The following NLRP2 variants were observed in gnomAD, a reference collection of about 807,000 sequenced individuals.
NLRP2 encodes NLR family pyrin domain containing 2.
Under a neutral mutation model 97.2 loss-of-function variants are expected in NLRP2, and 107 were observed. The observed-to-expected ratio is 1.10, with a 90% CI of 0.94 to 1.29. The LOEUF (loss-of-function observed/expected upper bound fraction) is 1.29. NLRP2 is among the 50% of genes most tolerant of loss of function. The probability of loss-of-function intolerance (pLI) is 0.00; values close to 1 mark genes in which losing one functional copy is unlikely to be tolerated. For missense variants in NLRP2, 1,495 were observed against 1,330.3 expected (o/e 1.12, Z -1.93); for synonymous variants, 663 against 551.5 (o/e 1.20, Z -2.83).
chr19:54,994,682 C>G (rs563608753), intron 11 of NLRP2, among the ~76,000 whole-genome samples: 1 of 151,752 alleles, frequency 6.6e-6, no homozygotes, highest in African/African-American at 2.4e-5. Context: ...GTGATCTTGG[C>G]TCACTGCAAC....
intron 10 of NLRP2, chr19:54,990,983 C>T (rs2072438944): frequency 2.4e-6 from 1 of 411,718 alleles, no homozygotes; most frequent in East Asian, 4.7e-5. Flanking sequence ...AACTCCTGAG[C>T]TCAAGAGATC....
intron 12 of NLRP2, among the ~76,000 whole-genome samples, chr19:54,998,128 C>T (rs953827288): frequency 6.7e-6 from 1 of 149,012 alleles, no homozygotes; most frequent in Admixed American, 6.9e-5. Context: ...CAGCTATTCT[C>T]ATGCTTCAGC....
At chr19:54,991,974 A>G (rs1215667851) in intron 10 of NLRP2, among the ~76,000 whole-genome samples, 1 of 147,072 alleles carries the variant, frequency 6.8e-6, no homozygotes, top group East Asian at 2.0e-4. Flanking sequence ...CCACGCTGGC[A>G]ATGGCATGAT....
At chr19:54,977,220 G>C (rs1347650015) in intron 3 of NLRP2, among the ~76,000 whole-genome samples, 1 of 151,996 alleles carries the variant, frequency 6.6e-6, no homozygotes, top group Non-Finnish European at 1.5e-5. Context: ...TTGGGAGTTC[G>C]AGACCAGCCT....
intron 4 of NLRP2, among the ~76,000 whole-genome samples, chr19:54,979,782 CT>C (rs572264852): frequency 2.6e-5 from 4 of 151,548 alleles, no homozygotes; most frequent in Non-Finnish European, 5.9e-5. Context: ...GGCACACAAT[CT>C]TTTTTTTTCT....
intron 1 of NLRP2, among the ~76,000 whole-genome samples, chr19:54,966,748 A>G (rs112966799): frequency 2.6e-4 from 38 of 146,780 alleles, no homozygotes; most frequent in African/African-American, 8.1e-4. Flanking sequence ...GGGTTTCACC[A>G]TGTTGGCCAG....
At chr19:55,000,185 T>TA (rs1298275004) in intron 12 of NLRP2, among the ~76,000 whole-genome samples, 3 of 146,478 alleles carry the variant, frequency 2.0e-5, no homozygotes, top group East Asian at 4.2e-4. Context: ...AGGCAGAGGA[T>TA]AGGATGGCTT....
chr19:54,972,152 T>G (rs1413611421), intron 2 of NLRP2, among the ~76,000 whole-genome samples: 1 of 151,416 alleles, frequency 6.6e-6, no homozygotes, highest in Admixed American at 6.6e-5. Flanking sequence ...AGCAAGTGCA[T>G]TTAGAACTAC....
Position 54,968,701 on chromosome 19 carries a change from C to CTTTTTTTTTTTTTTTTTTT in NLRP2, c.-17-1286_-17-1285insTTTTTTTTTTTTTTTTTTT, listed in dbSNP as rs61212213. On this transcript the variant is annotated intron_variant, in intron 1 of 12. Coordinates refer to ENST00000448584, the MANE Select transcript of NLRP2 (RefSeq NM_017852.5). ...CTCCACCACTAAGTTATCTTTAAGC[C>CTTTTTTTTTTTTTTTTTTT]TTTTTTTTTTTTGAGACAGTTTCAC... Among the ~76,000 whole-genome samples, 114 of 114,296 alleles carry CTTTTTTTTTTTTTTTTTTT rather than the reference C, an allele frequency of 1.0e-3. 9 individuals are homozygous for CTTTTTTTTTTTTTTTTTTT. Among genetic ancestry groups the CTTTTTTTTTTTTTTTTTTT allele is most frequent in the East Asian group, 1.8e-3 (7 of 3,850 alleles). 75.0% of individuals were successfully genotyped at this position (114,296 alleles called of 152,430 possible). A position where few individuals can be genotyped will look rare whatever the true frequency, so the allele number is the denominator to read the frequency against.
Position 54,982,643 on chromosome 19 carries a change from C to A in NLRP2, c.945C>A (p.Pro315=). ...CGDWEKKKPV[P]VLLGSLLNRV... is the part of the protein sequence containing the mutation. ...ACTGGGAGAAGAAGAAGCCGGTGCC[C>A]GTCCTCCTGGGGAGTTTGCTGAACA... The change falls in exon 6 of 13, where the codon CCC becomes CCA. Residue 315 remains proline (P), a synonymous_variant. Coordinates refer to ENST00000448584, the MANE Select transcript of NLRP2 (RefSeq NM_017852.5). 1.9e-6 allele frequency: 3 copies of A among 1,614,146 alleles called. No homozygotes were observed. Among genetic ancestry groups the A allele is most frequent in the South Asian group, 1.1e-5 (1 of 91,082 alleles).
intron 2 of NLRP2, among the ~76,000 whole-genome samples, chr19:54,971,018 G>C (rs2070819807): frequency 8.7e-6 from 1 of 115,358 alleles, no homozygotes; most frequent in African/African-American, 3.3e-5. Context: ...TCCCCTTCCT[G>C]TGTCCATGTG....
At chr19:54,991,283 C>T (rs567025616) in intron 10 of NLRP2, 3 of 158,196 alleles carry the variant, frequency 1.9e-5, no homozygotes, top group African/African-American at 7.2e-5. Context: ...GGCATAGTGG[C>T]TCACGCCTAT....
chr19:54,975,106 GTTTTTTTTTTTTTT>G (rs558518586), intron 3 of NLRP2, among the ~76,000 whole-genome samples: 3,228 of 58,700 alleles, frequency 0.055, 115 homozygotes, highest in Middle Eastern at 0.089. Flanking sequence ...ACCCGGTTTT[GTTTTTTTTTTTTTT>G]TTTTTTTTTT....
In NLRP2 at chr19:55,000,982, C is replaced by A. The variant is rs1336484134; in HGVS notation, c.*84C>A. ...GCCTGTGACTCCTCTCCTCCCCGGCCCCTACCCCTCAGGGATAATGAGTTC... is the reference window on the plus strand; with the variant it reads ...GCCTGTGACTCCTCTCCTCCCCGGCACCTACCCCTCAGGGATAATGAGTTC... On this transcript the variant is annotated 3_prime_UTR_variant, in exon 13 of 13. Transcript: ENST00000448584. 25 of 1,231,790 alleles carry A rather than the reference C, an allele frequency of 2.0e-5. No individual in the cohort carries two copies. Among genetic ancestry groups the A allele is most frequent in the African/African-American group, 2.9e-5 (2 of 67,856 alleles). The allele number at this position is 1,231,790 out of a possible 1,614,324, so 76.3% of individuals were successfully genotyped here.
chr19:54,988,407 G>A (rs1345287386), intron 8 of NLRP2, among the ~76,000 whole-genome samples: 1 of 151,742 alleles, frequency 6.6e-6, no homozygotes, highest in Non-Finnish European at 1.5e-5. Context: ...ATTCTTCTCC[G>A]TCAACCTCCC....
Position 55,000,864 on chromosome 19 carries a change from C to G in NLRP2, c.3155C>G (p.Ala1052Gly). The change falls in exon 13 of 13, where the codon GCA (alanine) becomes GGA (glycine). Residue 1052 changes from alanine to glycine, a missense_variant. By Grantham distance (60) the Ala-to-Gly change is moderately conservative. Coordinates refer to ENST00000448584, the MANE Select transcript of NLRP2 (RefSeq NM_017852.5). ...IIDTEKHHPW[A>G]ERPSSHDFMI ...GATACTGAGAAACATCATCCCTGGG[C>G]AGAAAGGCCTTCTTCTCATGACTTC... The G allele has an allele frequency of 6.2e-7, 1 of 1,612,806 alleles. No homozygotes were observed. The highest frequency in any genetic ancestry group is 8.5e-7 in the Non-Finnish European group (1 of 1,179,142).
chr19:54,998,650 T>TTTTTTTTTTTTA (rs2072995238), intron 12 of NLRP2, among the ~76,000 whole-genome samples: 1 of 122,032 alleles, frequency 8.2e-6, no homozygotes, highest in Non-Finnish European at 1.8e-5. Context: ...TTTTTTTTTT[T>TTTTTTTTTTTTA]TTATTGATCA....
rs1459297441 is a variant in NLRP2, at chr19:54,971,192, G to A, written c.280+897G>A. ...CTGCATTGTATTCCATGGTATATAT[G>A]TGCCACATTTTCTTAATCCAGTCTA... On this transcript the variant is annotated intron_variant, in intron 2 of 12. Transcript: ENST00000448584. Among the ~76,000 whole-genome samples the A allele has an allele frequency of 2.0e-5, 3 of 151,264 alleles. No homozygotes were observed. The Admixed American group carries it at 2.0e-4, about 10-fold the overall frequency.
Position 54,994,532 on chromosome 19 carries a change from A to G in NLRP2, c.2879+93A>G, listed in dbSNP as rs987817361. ...ATCAGTGAAGCCGACTTCCCAAGTTATATAATTGAGAGGACCTTTATAGAG... is the reference window on the plus strand; with the variant it reads ...ATCAGTGAAGCCGACTTCCCAAGTTGTATAATTGAGAGGACCTTTATAGAG... On this transcript the variant is annotated intron_variant, in intron 11 of 12. Coordinates refer to ENST00000448584, the MANE Select transcript of NLRP2 (RefSeq NM_017852.5). The G allele has an allele frequency of 5.2e-6, 7 of 1,350,806 alleles. No individual in the cohort carries two copies. The African/African-American group carries it at 7.2e-5, about 14-fold the overall frequency. The allele number at this position is 1,350,806 out of a possible 1,614,324, so 83.7% of individuals were successfully genotyped here.
Sources: gnomAD v4.1 joint callset for allele counts (sites outside exome capture counted in the v4.1 genomes callset) on GRCh38, gnomAD v4.1.1 for gene constraint, MANE v1.5 for transcripts, NCBI Gene and HGNC (gene_info 2026-07-23, HGNC 2026-07-21) for gene names.